The following C2orf74 variants were observed in gnomAD, a reference collection of about 807,000 sequenced individuals.
The protein encoded by C2orf74 is DPM1 ER membrane anchor 1.
C2orf74 carries 14 observed loss-of-function variants against 17.9 expected under a neutral mutation model. The observed-to-expected ratio is 0.78, with a 90% confidence interval of 0.52 to 1.22. C2orf74 has a LOEUF of 1.22. Among genes scored for constraint, C2orf74 ranks in the 50% most tolerant of loss-of-function variants. The probability of loss-of-function intolerance (pLI) is 0.00; values close to 1 mark genes in which losing one functional copy is unlikely to be tolerated. For missense variants in C2orf74, 217 were observed against 218.4 expected, an observed-to-expected ratio of 0.99 and a Z score of 0.04; for synonymous variants, 79 against 72.6, an observed-to-expected ratio of 1.09 and a Z score of -0.44.
intron 4 of C2orf74, 113 bp downstream of exon 4, chr2:61,163,345 A>ACC: frequency 8.6e-7 from 1 of 1,167,544 alleles, no homozygotes; most frequent in Non-Finnish European, 1.2e-6. Context: ...CGGGTGGCTC[A>ACC]CGCCTGTAAT....
chr2:61,146,739 C>T (rs755383535), intron 1 of C2orf74, among the ~76,000 whole-genome samples: 16 of 151,866 alleles, frequency 1.1e-4, no homozygotes, highest in Admixed American at 2.6e-4. Context: ...GAGGCTGAGG[C>T]AGGAGAATTG....
intron 1 of C2orf74, among the ~76,000 whole-genome samples, chr2:61,155,510 T>G (rs1685365223): frequency 2.1e-5 from 1 of 46,986 alleles, no homozygotes; most frequent in Non-Finnish European, 4.2e-5. Flanking sequence ...AGGCTTTTTG[T>G]TTGTTTGTTT....
chr2:61,146,416 C>T (rs1685071234), intron 1 of C2orf74, among the ~76,000 whole-genome samples: 1 of 152,130 alleles, frequency 6.6e-6, no homozygotes, highest in South Asian at 2.1e-4. Flanking sequence ...GAGGGTAGGA[C>T]TGAGATAGGG....
chr2:61,153,496 G>A lies in C2orf74; in HGVS notation c.-122+8300G>A, dbSNP rs190953489. Among the ~76,000 whole-genome samples, 763 of 151,386 alleles carry A rather than the reference G, an allele frequency of 5.0e-3. 4 individuals carry two copies. The highest frequency in any genetic ancestry group is 0.015 in the South Asian group (74 of 4,792). On this transcript the variant is annotated intron_variant, in intron 1 of 3. Coordinates refer to the C2orf74 transcript ENST00000426997. ...ACTGGGTTTCACCATGTTAGCCAGG[G>A]TGGTCTCAATCTCCTGACCTCGTGA... is the stretch of plus-strand genomic sequence containing the variant.
chr2:61,158,902 A>G (rs1685477137), upstream of C2orf74, among the ~76,000 whole-genome samples: 1 of 152,244 alleles, frequency 6.6e-6, no homozygotes, highest in African/African-American at 2.4e-5. Context: ...TTATGGGACA[A>G]TTGGGCTGAT....
At chr2:61,152,458 G>A (rs889292746) in intron 1 of C2orf74, among the ~76,000 whole-genome samples, 5 of 151,244 alleles carry the variant, frequency 3.3e-5, no homozygotes, top group Admixed American at 6.6e-5. Context: ...GGAGAATGGC[G>A]TGAACCCGGG....
At position 61,164,512 on chromosome 2, in the gene C2orf74, T is replaced by C. The variant is rs1685670847; in HGVS notation, c.549T>C (p.His183=). The C allele has an allele frequency of 1.3e-6, 2 of 1,526,040 alleles. No individual in the cohort carries two copies. Among genetic ancestry groups the C allele is most frequent in the Non-Finnish European group, 1.8e-6 (2 of 1,137,792 alleles). The allele number at this position is 1,526,040 out of a possible 1,614,324, so 94.5% of individuals were successfully genotyped here. ...YPTPRSYTRE[H]KERK ...CACCTCGAAGCTATACTCGAGAACA[T>C]AAAGAGAGGAAATGAAGCTCAAAAA... is the stretch of plus-strand genomic sequence containing the variant. The change falls in exon 5 of 5, where the codon CAT becomes CAC. Residue 183 remains histidine (H), a synonymous_variant. Transcript: ENST00000432605.
intron 1 of C2orf74, among the ~76,000 whole-genome samples, chr2:61,150,613 G>A (rs1685197015): frequency 2.6e-5 from 4 of 152,182 alleles, no homozygotes; most frequent in Non-Finnish European, 5.9e-5. Flanking sequence ...GGAGACATGA[G>A]AGGCTCAGGA....
At chr2:61,160,704 G>A (rs1346437688), upstream of C2orf74, among the ~76,000 whole-genome samples, 1 of 151,548 alleles carries the variant, frequency 6.6e-6, no homozygotes, top group Non-Finnish European at 1.5e-5. Context: ...AGACCAGGCT[G>A]GTCTTGAACT....
chr2:61,151,418 C>A (rs1685225159), intron 1 of C2orf74: 1 of 149,254 alleles, frequency 6.7e-6, no homozygotes, highest in Non-Finnish European at 1.5e-5. Flanking sequence ...ACAAGTGACT[C>A]CAAAACTTAG....
upstream of C2orf74, among the ~76,000 whole-genome samples, chr2:61,159,590 C>T (rs1685502579): frequency 2.0e-5 from 3 of 152,310 alleles, no homozygotes; most frequent in South Asian, 6.2e-4. Flanking sequence ...GCCGCCACAC[C>T]AGGCCAAGAA....
chr2:61,147,337 T>C (rs1005158714), intron 1 of C2orf74, among the ~76,000 whole-genome samples: 3 of 152,052 alleles, frequency 2.0e-5, no homozygotes, highest in Admixed American at 2.0e-4. Context: ...AGTGTTGGGA[T>C]TACAGGGGTG....
At chr2:61,158,831 AG>A (rs1462979367), upstream of C2orf74, among the ~76,000 whole-genome samples, 1 of 152,168 alleles carries the variant, frequency 6.6e-6, no homozygotes, top group Non-Finnish European at 1.5e-5. Flanking sequence ...GATAGTTTCA[AG>A]TTTTAAGACC....
chr2:61,159,072 C>G (rs922252700), upstream of C2orf74, among the ~76,000 whole-genome samples: 1 of 152,188 alleles, frequency 6.6e-6, no homozygotes, highest in Admixed American at 6.5e-5. Flanking sequence ...TCTCAGCTCA[C>G]TGCAACCTCC....
In C2orf74 at chr2:61,162,860, T is replaced by TAAAGAGACAAAG; in HGVS notation, c.119_130dup (p.Glu40_Lys43dup). The TAAAGAGACAAAG allele has an allele frequency of 6.4e-7, 1 of 1,551,686 alleles. No individual in the cohort carries two copies. The highest frequency in any genetic ancestry group is 8.7e-7 in the Non-Finnish European group (1 of 1,146,872). On this transcript the variant is annotated inframe_insertion, in exon 3 of 5. Transcript: ENST00000432605. ...TTTTCAGTTTCCAAGGCAGGAAAGG[T>TAAAGAGACAAAG]AAAGAGACAAAGAAAGTGCCTTGTA...
intron 4 of C2orf74, among the ~76,000 whole-genome samples, chr2:61,163,786 C>T (rs1011669967): frequency 2.6e-5 from 4 of 152,000 alleles, no homozygotes; most frequent in Admixed American, 2.0e-4. Flanking sequence ...TTCATTCTTA[C>T]ATTTATGTTT....
In C2orf74 at chr2:61,162,834, GT is replaced by G. The variant is rs1685604972; in HGVS notation, c.96-4del. 2 of 1,544,336 alleles carry G rather than the reference GT, an allele frequency of 1.3e-6. No individual in the cohort carries two copies. The highest frequency in any genetic ancestry group is 1.7e-6 in the Non-Finnish European group (2 of 1,143,794). Reference sequence around the variant, plus strand: ...CCTTTTCTGAATTTGTGGCTTGTTTGTTTTCAGTTTCCAAGGCAGGAAAGGT... The same window carrying G: ...CCTTTTCTGAATTTGTGGCTTGTTTGTTTCAGTTTCCAAGGCAGGAAAGGT... On this transcript the variant is annotated splice_region_variant and splice_polypyrimidine_tract_variant and intron_variant, in intron 2 of 4. Coordinates refer to ENST00000432605, the MANE Select transcript of C2orf74 (RefSeq NM_001143959.4).
At chr2:61,158,158 T>C, upstream of C2orf74, 1 of 367,688 alleles carries the variant, frequency 2.7e-6, no homozygotes, top group African/African-American at 2.1e-5. Flanking sequence ...CCTGAAATTC[T>C]ACCCAGACTG....
upstream of C2orf74, among the ~76,000 whole-genome samples, chr2:61,161,057 T>C (rs892614437): frequency 6.6e-6 from 1 of 152,232 alleles, no homozygotes; most frequent in African/African-American, 2.4e-5. Context: ...TTTCTCCATA[T>C]CCTCACCAAT....
Sources: gnomAD v4.1 joint callset for allele counts (sites outside exome capture counted in the v4.1 genomes callset) on GRCh38, gnomAD v4.1.1 for gene constraint, MANE v1.5 for transcripts, NCBI Gene and HGNC (gene_info 2026-07-23, HGNC 2026-07-21) for gene names.